The following TSPAN3 variants were observed in gnomAD, a reference collection of about 807,000 sequenced individuals.
TSPAN3 encodes tetraspanin-3.
Under a neutral mutation model 31.1 loss-of-function variants are expected in TSPAN3, and 9 were observed. The observed-to-expected ratio is 0.29, with a 90% confidence interval of 0.17 to 0.50. The LOEUF is 0.50. Ranked by LOEUF, TSPAN3 falls within the 20% of genes least tolerant of loss-of-function variation. The probability of loss-of-function intolerance (pLI) is 0.98; values close to 1 mark genes in which losing one functional copy is unlikely to be tolerated. For synonymous variants in TSPAN3, 129 were observed against 114.3 expected (o/e 1.13, Z -0.82); for missense variants, 252 against 313.5 (o/e 0.80, Z 1.48).
chr15:77,046,392 C>T lies in TSPAN3; in HGVS notation c.*443G>A. 3 of 402,650 alleles carry T rather than the reference C, an allele frequency of 7.5e-6. No individual in the cohort carries two copies. Among genetic ancestry groups the T allele is most frequent in the Non-Finnish European group, 4.4e-6 (1 of 228,086 alleles). 24.9% of individuals were successfully genotyped at this position (402,650 alleles called of 1,614,324 possible). A position where few individuals can be genotyped will look rare whatever the true frequency, so the allele number is the denominator to read the frequency against. On this transcript the variant is annotated 3_prime_UTR_variant, in exon 7 of 7. Transcript: ENST00000267970. ...TTTTTAAAAGGACACCAATGAGGGG[C>T]ACCATCTGGTGTTAACCTTAACCAG...
chr15:77,052,322 A>G, intron 6 of TSPAN3, 63 bp downstream of exon 6: 1 of 1,443,942 alleles, frequency 6.9e-7, no homozygotes, highest in South Asian at 1.1e-5. Context: ...GATTAAAACC[A>G]TTCAGGGCTG....
At chr15:77,050,125 T>G (rs1464986715) in intron 6 of TSPAN3, among the ~76,000 whole-genome samples, 1 of 152,234 alleles carries the variant, frequency 6.6e-6, no homozygotes, top group Non-Finnish European at 1.5e-5. Context: ...AAAAGCTCAC[T>G]GATCTTTCAG....
At chr15:77,059,361 C>T (rs1373421831) in intron 1 of TSPAN3, among the ~76,000 whole-genome samples, 1 of 152,180 alleles carries the variant, frequency 6.6e-6, no homozygotes, top group Non-Finnish European at 1.5e-5. Flanking sequence ...GGATTACAGG[C>T]GTGAGCCATT....
At chr15:77,052,580 GA>G in intron 5 of TSPAN3, 112 bp from the exon 6 acceptor site, 2 of 1,185,836 alleles carry the variant, frequency 1.7e-6, no homozygotes, top group Non-Finnish European at 2.4e-6. Flanking sequence ...TGAAAGAGTG[GA>G]AAAAAGATTC....
chr15:77,070,590 G>A (rs1278127866), intron 1 of TSPAN3, among the ~76,000 whole-genome samples: 2 of 152,020 alleles, frequency 1.3e-5, no homozygotes, highest in East Asian at 1.9e-4. Flanking sequence ...TCCGGGGGGG[G>A]GAGACTGGGG....
intron 1 of TSPAN3, among the ~76,000 whole-genome samples, chr15:77,060,831 A>G (rs2076796174): frequency 6.6e-6 from 1 of 152,186 alleles, no homozygotes; most frequent in Non-Finnish European, 1.5e-5. Flanking sequence ...ACAGTGTACT[A>G]AAAATATTCA....
In TSPAN3 at chr15:77,044,336, C is replaced by G. The variant is rs896581111; in HGVS notation, c.*2499G>C. 1 of 152,266 alleles carries G rather than the reference C, an allele frequency of 6.6e-6. No homozygotes were observed. The highest frequency in any genetic ancestry group is 1.5e-5 in the Non-Finnish European group (1 of 68,066). The allele number at this position is 152,266 out of a possible 1,614,324, so 9.4% of individuals were successfully genotyped here. On this transcript the variant is annotated 3_prime_UTR_variant, in exon 7 of 7. Transcript: ENST00000267970. Reference sequence around the variant, plus strand: ...GAACAAGCACTGGGTAATGCCAACACCTAGCCTCAGCTACACGGGGGAAGG... The same window carrying G: ...GAACAAGCACTGGGTAATGCCAACAGCTAGCCTCAGCTACACGGGGGAAGG...
intron 1 of TSPAN3, among the ~76,000 whole-genome samples, chr15:77,061,470 G>A (rs1009941228): frequency 1.3e-5 from 2 of 152,102 alleles, no homozygotes; most frequent in African/African-American, 4.8e-5. Flanking sequence ...AGAGGTTGCA[G>A]TGAGCCGAGA....
In TSPAN3 at chr15:77,044,483, T is replaced by C. The variant is rs1199111303; in HGVS notation, c.*2352A>G. The C allele has an allele frequency of 6.6e-6, 1 of 152,138 alleles. No homozygotes were observed. The highest frequency in any genetic ancestry group is 1.5e-5 in the Non-Finnish European group (1 of 68,028). The allele number at this position is 152,138 out of a possible 1,614,324, so 9.4% of individuals were successfully genotyped here. On this transcript the variant is annotated 3_prime_UTR_variant, in exon 7 of 7. Coordinates refer to ENST00000267970, the MANE Select transcript of TSPAN3 (RefSeq NM_005724.6). ...AACTGTGCCAGGAATTAAACACAAG[T>C]TAAAACTGGCAGGAGCTGGAATGGT...
intron 6 of TSPAN3, among the ~76,000 whole-genome samples, chr15:77,047,353 G>A (rs1416706272): frequency 2.0e-5 from 3 of 152,188 alleles, no homozygotes; most frequent in Admixed American, 6.5e-5. Context: ...GACACATGTG[G>A]CTAGTGGCTA....
intron 1 of TSPAN3, among the ~76,000 whole-genome samples, chr15:77,068,856 T>C (rs2076849439): frequency 6.6e-6 from 1 of 152,204 alleles, no homozygotes; most frequent in African/African-American, 2.4e-5. Context: ...ATGGTGTATA[T>C]GTGCCGCATT....
intron 1 of TSPAN3, chr15:77,064,002 T>G (rs557849673): frequency 1.3e-4 from 20 of 152,338 alleles, no homozygotes; most frequent in African/African-American, 4.8e-4. Flanking sequence ...CATCCACACT[T>G]GGGTTATGTG....
In TSPAN3 at chr15:77,043,967, G is replaced by A. The variant is rs1481559183; in HGVS notation, c.*2868C>T. On this transcript the variant is annotated 3_prime_UTR_variant, in exon 7 of 7. Transcript: ENST00000267970. Reference sequence around the variant, plus strand: ...CGCACACACATTTGAGAACACACATGACAGATAGAATGGGACGAAATGTTA... The same window carrying A: ...CGCACACACATTTGAGAACACACATAACAGATAGAATGGGACGAAATGTTA... 6.6e-6 allele frequency: 1 copy of A among 152,206 alleles called. No homozygotes were observed. The highest frequency in any genetic ancestry group is 2.4e-5 in the African/African-American group (1 of 41,416). The allele number at this position is 152,206 out of a possible 1,614,324, so 9.4% of individuals were successfully genotyped here. A position where few individuals can be genotyped will look rare whatever the true frequency, so the allele number is the denominator to read the frequency against.
chr15:77,067,615 C>T (rs2076841337), intron 1 of TSPAN3: 1 of 152,154 alleles, frequency 6.6e-6, no homozygotes, highest in South Asian at 2.1e-4. Flanking sequence ...TATTCTTCCA[C>T]TTATTCATCA....
chr15:77,045,902 G>C lies in TSPAN3; in HGVS notation c.*933C>G, dbSNP rs2076687937. On this transcript the variant is annotated 3_prime_UTR_variant, in exon 7 of 7. Coordinates refer to ENST00000267970, the MANE Select transcript of TSPAN3 (RefSeq NM_005724.6). ...GGTTTTTTGAATATCAAGCCCTTTA[G>C]AATCTGGCAACAGCTATAACGAAAA... The C allele has an allele frequency of 6.6e-6, 1 of 152,266 alleles. No homozygotes were observed. The highest frequency in any genetic ancestry group is 2.4e-5 in the African/African-American group (1 of 41,428). The allele number at this position is 152,266 out of a possible 1,614,324, so 9.4% of individuals were successfully genotyped here.
chr15:77,070,721 G>A (rs573130938), intron 1 of TSPAN3, among the ~76,000 whole-genome samples, 171 bp downstream of exon 1: 1 of 151,322 alleles, frequency 6.6e-6, no homozygotes, highest in East Asian at 2.0e-4. Context: ...GGTCCGGCAG[G>A]GACCTCGCGA....
At position 77,067,290 on chromosome 15, in the gene TSPAN3, C is replaced by T. The variant is rs2076839302; in HGVS notation, c.63+3602G>A. The stretch of plus-strand genomic sequence containing the variant: ...GTGCCTTTCCACAGTAACATTATTA[C>T]AGCATTGTTCCAAACTATCTACACC... On this transcript the variant is annotated intron_variant, in intron 1 of 6. Coordinates refer to ENST00000267970, the MANE Select transcript of TSPAN3 (RefSeq NM_005724.6). 2.0e-5 allele frequency among the ~76,000 whole-genome samples: 3 copies of T among 151,960 alleles called. 1 individual carries two copies. The highest frequency in any genetic ancestry group is 2.0e-4 in the Admixed American group (3 of 15,256).
intron 6 of TSPAN3, 145 bp downstream of exon 6, chr15:77,052,240 C>A: frequency 1.5e-6 from 1 of 684,002 alleles, no homozygotes; most frequent in Non-Finnish European, 2.5e-6. Flanking sequence ...AAATGGAAAA[C>A]ATGGGAAACT....
At chr15:77,065,705 C>A (rs2076828560) in intron 1 of TSPAN3, among the ~76,000 whole-genome samples, 1 of 152,178 alleles carries the variant, frequency 6.6e-6, no homozygotes, top group Admixed American at 6.5e-5. Flanking sequence ...CCGCACCTGG[C>A]TGATAAGTTT....
Sources: allele counts gnomAD v4.1 joint callset (sites outside exome capture counted in the v4.1 genomes callset), GRCh38; gene constraint gnomAD v4.1.1; transcripts MANE v1.5; gene names NCBI Gene and HGNC (gene_info 2026-07-23, HGNC 2026-07-21).